The following GABRG3 variants were observed in gnomAD, a reference collection of about 807,000 sequenced individuals.
GABRG3 encodes gamma-aminobutyric acid receptor subunit gamma-3.
In GABRG3, 25 loss-of-function variants were observed where a neutral mutation model predicts 48.8. That is an observed-to-expected ratio of 0.51 (90% CI 0.37 to 0.72). The LOEUF is 0.72. Ranked by LOEUF, GABRG3 falls within the 30% of genes least tolerant of loss-of-function variation. The probability of loss-of-function intolerance (pLI) is 0.00; values close to 1 mark genes in which losing one functional copy is unlikely to be tolerated. For missense variants in GABRG3, 394 were observed against 577.9 expected (o/e 0.68, Z 3.26); for synonymous variants, 227 against 217.6 (o/e 1.04, Z -0.38).
intron 5 of GABRG3, among the ~76,000 whole-genome samples, chr15:27,423,760 G>T (rs1247663684): frequency 1.2e-5 from 1 of 82,094 alleles, no homozygotes. Context: ...TAGAGATGAT[G>T]TCTCATTATA....
chr15:27,215,697 C>G (rs544574168), intron 3 of GABRG3, among the ~76,000 whole-genome samples: 1 of 152,200 alleles, frequency 6.6e-6, no homozygotes, highest in South Asian at 2.1e-4. Context: ...GGATGAAGAC[C>G]AGGGCATTCT....
At chr15:27,381,678 T>A (rs2140564883) in intron 5 of GABRG3, among the ~76,000 whole-genome samples, 1 of 152,330 alleles carries the variant, frequency 6.6e-6, no homozygotes, top group Admixed American at 6.5e-5. Context: ...GTTTTTGATT[T>A]TTCAATGAGA....
At position 27,485,117 on chromosome 15, in the gene GABRG3, T is replaced by C. The variant is rs536273338; in HGVS notation, c.712+4330T>C. ...GGGATAACGTCTGGTGAACACCACT[T>C]GGCCACGTGATCGGTGAACATGGTC... On this transcript the variant is annotated intron_variant, in intron 6 of 9. Transcript: ENST00000615808. Among the ~76,000 whole-genome samples the C allele has an allele frequency of 2.0e-4, 31 of 152,284 alleles. No homozygotes were observed. In the East Asian group the frequency reaches 5.2e-3, roughly 26 times the overall value.
intron 2 of GABRG3, among the ~76,000 whole-genome samples, chr15:26,983,160 T>C (rs969228925): frequency 2.0e-5 from 3 of 152,172 alleles, no homozygotes; most frequent in Non-Finnish European, 4.4e-5. Flanking sequence ...GACTTTTTTT[T>C]TTTTTCAAAT....
At chr15:27,381,968 G>A (rs1030733855) in intron 5 of GABRG3, among the ~76,000 whole-genome samples, 1 of 152,174 alleles carries the variant, frequency 6.6e-6, no homozygotes, top group Non-Finnish European at 1.5e-5. Flanking sequence ...CCAATTACAA[G>A]AGTAGCATGA....
intron 6 of GABRG3, among the ~76,000 whole-genome samples, chr15:27,497,636 T>C (rs981343670): frequency 3.9e-5 from 6 of 152,258 alleles, no homozygotes; most frequent in African/African-American, 1.4e-4. Context: ...GTATGTATTA[T>C]TTTAATTGGC....
rs141596795 is a variant in GABRG3, at chr15:27,209,234, C to T, written c.271-117575C>T. Among the ~76,000 whole-genome samples the T allele has an allele frequency of 2.0e-5, 3 of 152,318 alleles. No individual in the cohort carries two copies. The East Asian group carries it at 5.8e-4, about 29-fold the overall frequency. On this transcript the variant is annotated intron_variant, in intron 3 of 9. Coordinates refer to ENST00000615808, the MANE Select transcript of GABRG3 (RefSeq NM_033223.5). ...TGTCATCCAAAGAAGGAGTTCAGGC[C>T]AGCCAGGCCAAACGAAGAGTGGTTC...
chr15:27,121,373 T>C (rs189231583), intron 3 of GABRG3, among the ~76,000 whole-genome samples: 1 of 152,320 alleles, frequency 6.6e-6, no homozygotes, highest in Admixed American at 6.5e-5. Context: ...GCTTCAGAGA[T>C]GAGAGCCTTA....
chr15:27,041,005 C>G (rs1896267326), intron 3 of GABRG3, among the ~76,000 whole-genome samples: 1 of 151,644 alleles, frequency 6.6e-6, no homozygotes, highest in African/African-American at 2.4e-5. Context: ...CTTCCAATAT[C>G]CAACATTCAA....
At chr15:27,215,126 C>A (rs1889204743) in intron 3 of GABRG3, among the ~76,000 whole-genome samples, 1 of 152,142 alleles carries the variant, frequency 6.6e-6, no homozygotes, top group South Asian at 2.1e-4. Flanking sequence ...TACTCTATGT[C>A]ATATTCCTCC....
At chr15:27,529,731 G>A (rs911497415) in intron 9 of GABRG3, among the ~76,000 whole-genome samples, 7 of 152,032 alleles carry the variant, frequency 4.6e-5, no homozygotes, top group Non-Finnish European at 8.8e-5. Context: ...AGAGGGGAGA[G>A]GGGAAGGGTG....
intron 3 of GABRG3, among the ~76,000 whole-genome samples, chr15:27,056,998 C>A (rs1055882836): frequency 6.6e-6 from 1 of 152,126 alleles, no homozygotes; most frequent in Admixed American, 6.5e-5. Context: ...ATACTCTTCC[C>A]TGCTTATTAT....
intron 3 of GABRG3, among the ~76,000 whole-genome samples, chr15:27,059,135 G>T (rs1353403894): frequency 6.6e-6 from 1 of 152,206 alleles, no homozygotes; most frequent in Admixed American, 6.5e-5. Context: ...CTGCCATTCA[G>T]GGAAGCAGAA....
chr15:27,517,711 T>C (rs1419093205), intron 6 of GABRG3, among the ~76,000 whole-genome samples: 1 of 152,200 alleles, frequency 6.6e-6, no homozygotes, highest in African/African-American at 2.4e-5. Context: ...CTCTAGGGTT[T>C]TGATTGCAAT....
intron 3 of GABRG3, among the ~76,000 whole-genome samples, chr15:27,244,248 A>G (rs1890210659): frequency 6.6e-6 from 1 of 152,208 alleles, no homozygotes; most frequent in South Asian, 2.1e-4. Flanking sequence ...GGAATGAAAT[A>G]TGTTAACAGG....
chr15:27,510,338 G>A (rs571977859), intron 6 of GABRG3, among the ~76,000 whole-genome samples: 8 of 152,240 alleles, frequency 5.3e-5, no homozygotes, highest in Middle Eastern at 3.4e-3. Flanking sequence ...TGGGCCCAAC[G>A]GTACTGCCAT....
chr15:27,248,803 C>CACACACACACACAGAG (rs1377080195), intron 3 of GABRG3, among the ~76,000 whole-genome samples: 4 of 110,240 alleles, frequency 3.6e-5, no homozygotes, highest in East Asian at 5.0e-4. Context: ...CACACACACA[C>CACACACACACACAGAG]AGAGAGAGAG....
At chr15:27,114,475 C>T (rs1897607780) in intron 3 of GABRG3, among the ~76,000 whole-genome samples, 1 of 152,142 alleles carries the variant, frequency 6.6e-6, no homozygotes, top group African/African-American at 2.4e-5. Flanking sequence ...TGACTTTATT[C>T]TTTATTTGCT....
intron 6 of GABRG3, among the ~76,000 whole-genome samples, chr15:27,493,907 G>A (rs934123901): frequency 1.3e-5 from 2 of 152,206 alleles, no homozygotes; most frequent in Admixed American, 1.3e-4. Flanking sequence ...AGGAATTATT[G>A]TAGGTCTTAG....
Sources: allele counts gnomAD v4.1 joint callset (sites outside exome capture counted in the v4.1 genomes callset), GRCh38; gene constraint gnomAD v4.1.1; transcripts MANE v1.5; gene names NCBI Gene and HGNC (gene_info 2026-07-23, HGNC 2026-07-21).